SMG7: variants seen among roughly 807,000 people sequenced by gnomAD.
SMG7 encodes nonsense-mediated mRNA decay factor SMG7.
In SMG7, 34 loss-of-function variants were observed where a neutral mutation model predicts 148.2. The observed-to-expected ratio is 0.23, with a 90% CI of 0.17 to 0.31. The LOEUF is 0.31. Ranked by LOEUF, SMG7 falls within the 10% of genes least tolerant of loss-of-function variation. The pLI is 1.00. For synonymous variants in SMG7, 492 were observed against 515.1 expected, an observed-to-expected ratio of 0.96 and a Z score of 0.61; for missense variants, 1,114 against 1,408.4, an observed-to-expected ratio of 0.79 and a Z score of 3.35.
Position 183,550,344 on chromosome 1 carries a change from A to G in SMG7, c.3134-407A>G, listed in dbSNP as rs1236655984. Among the ~76,000 whole-genome samples the G allele has an allele frequency of 3.3e-5, 5 of 152,134 alleles. No homozygotes were observed. The East Asian group carries it at 7.7e-4, about 23-fold the overall frequency. On this transcript the variant is annotated intron_variant, in intron 20 of 22. Transcript: ENST00000688051. ...CTCAGCCTCCCAAGTAGCTGGGACT[A>G]CAGGTGCACACCACTGTGCCCAGCT... is the stretch of plus-strand genomic sequence containing the variant.
At position 183,553,281 on chromosome 1, in the gene SMG7, A is replaced by G. The variant is rs1049149834; in HGVS notation, c.*1350A>G. 6.6e-5 allele frequency: 87 copies of G among 1,312,458 alleles called. No homozygotes were observed. In the East Asian group the frequency reaches 2.2e-3, roughly 33 times the overall value. The allele number at this position is 1,312,458 out of a possible 1,614,324, so 81.3% of individuals were successfully genotyped here. A position where few individuals can be genotyped will look rare whatever the true frequency, so the allele number is the denominator to read the frequency against. ...GAAACAGAAGGACAGCATTTCTGTT[A>G]GTCATTTCCTGGAAAAGTAATATTT... is the stretch of plus-strand genomic sequence containing the variant. On this transcript the variant is annotated 3_prime_UTR_variant, in exon 23 of 23. Transcript: ENST00000688051.
At chr1:183,522,295 T>TA (rs1335371919) in intron 4 of SMG7, among the ~76,000 whole-genome samples, 2 of 152,122 alleles carry the variant, frequency 1.3e-5, no homozygotes, top group African/African-American at 4.8e-5. Flanking sequence ...AACCCTGACT[T>TA]AGTCAGATGG....
At position 183,527,040 on chromosome 1, in the gene SMG7, A is replaced by G. The variant is rs547518925; in HGVS notation, c.484+273A>G. Among the ~76,000 whole-genome samples the G allele has an allele frequency of 1.3e-5, 2 of 152,338 alleles. No homozygotes were observed. The highest frequency in any genetic ancestry group is 3.9e-4 in the East Asian group (2 of 5,186). On this transcript the variant is annotated intron_variant, in intron 5 of 22. Coordinates refer to ENST00000688051, the MANE Select transcript of SMG7 (RefSeq NM_001375584.1). This position sits in a 1 kb window ranked among gnomAD's most constrained non-coding sequence, Gnocchi z 4.0. ...GCAAATAATAAACAGCAAAAACATAATCAAAGCTTAATTTTTCAAAGTGGT... is the reference window on the plus strand; with the variant it reads ...GCAAATAATAAACAGCAAAAACATAGTCAAAGCTTAATTTTTCAAAGTGGT...
At chr1:183,511,519 A>G (rs1406567662) in intron 1 of SMG7, among the ~76,000 whole-genome samples, 3 of 152,200 alleles carry the variant, frequency 2.0e-5, no homozygotes, top group Non-Finnish European at 4.4e-5. Context: ...TGGAGAAACT[A>G]GAAGTCCAGT....
intron 12 of SMG7, 102 bp downstream of exon 12, chr1:183,538,542 C>T: frequency 2.5e-6 from 2 of 812,254 alleles, no homozygotes; most frequent in East Asian, 2.5e-5. Context: ...TCTGTCCCAG[C>T]TGTGTGTTAT....
At chr1:183,543,975 C>T (rs1421364689) in intron 14 of SMG7, among the ~76,000 whole-genome samples, 1 of 152,222 alleles carries the variant, frequency 6.6e-6, no homozygotes, top group Middle Eastern at 3.4e-3. Flanking sequence ...TCATGTATGT[C>T]GTTTAATGAA....
chr1:183,549,064 T>C (rs1393428326), intron 18 of SMG7, 144 bp from the exon 19 acceptor site: 3 of 634,154 alleles, frequency 4.7e-6, no homozygotes, highest in Admixed American at 2.8e-5. Context: ...TGTTAACAGA[T>C]TTGAATTCAC....
chr1:183,508,386 T>A (rs1661412931), intron 1 of SMG7, among the ~76,000 whole-genome samples: 1 of 152,044 alleles, frequency 6.6e-6, no homozygotes, highest in African/African-American at 2.4e-5. Flanking sequence ...AGAGATGAAG[T>A]CTTCCTCTGG....
intron 14 of SMG7, among the ~76,000 whole-genome samples, chr1:183,543,154 T>G (rs942698101): frequency 6.6e-6 from 1 of 152,090 alleles, no homozygotes; most frequent in Non-Finnish European, 1.5e-5. Flanking sequence ...TATTAATATA[T>G]TTTCCCAAAT....
At chr1:183,499,663 C>A (rs1217439181) in intron 1 of SMG7, among the ~76,000 whole-genome samples, 1 of 152,028 alleles carries the variant, frequency 6.6e-6, no homozygotes, top group Non-Finnish European at 1.5e-5. Flanking sequence ...GTTTTATCTT[C>A]GACTTTGTGG....
chr1:183,542,185 A>G lies in SMG7; in HGVS notation c.1525A>G (p.Thr509Ala). The G allele has an allele frequency of 6.2e-7, 1 of 1,614,158 alleles. No individual in the cohort carries two copies. Among genetic ancestry groups the G allele is most frequent in the African/African-American group, 1.3e-5 (1 of 75,056 alleles). ...EAKENLILQETSVIESLAADG... is the reference protein window; with the variant it reads ...EAKENLILQEASVIESLAADG... The stretch of plus-strand genomic sequence containing the variant: ...CAAAGAGAACCTCATTCTGCAAGAA[A>G]CATCTGTGATAGAGTCGCTGGCTGC... Residue 509 changes from threonine to alanine, a missense_variant, in exon 14 of 23, where the codon ACA (threonine) becomes GCA (alanine). Thr to Ala is a moderately conservative substitution (Grantham distance 58). Transcript: ENST00000688051.
intron 1 of SMG7, among the ~76,000 whole-genome samples, chr1:183,504,762 C>T (rs1660527204): frequency 6.6e-6 from 1 of 152,030 alleles, no homozygotes; most frequent in Non-Finnish European, 1.5e-5. Flanking sequence ...TCAGCTTATC[C>T]CCCTCTTACT....
Position 183,553,080 on chromosome 1 carries a change from G to A in SMG7, c.*1149G>A. ...CACAGAGGGCCCAGGCCCCTGCCCAGCTGCAGTCTCCCAGCCTCCACTTTC... is the reference window on the plus strand; with the variant it reads ...CACAGAGGGCCCAGGCCCCTGCCCAACTGCAGTCTCCCAGCCTCCACTTTC... On this transcript the variant is annotated 3_prime_UTR_variant, in exon 23 of 23. Coordinates refer to ENST00000688051, the MANE Select transcript of SMG7 (RefSeq NM_001375584.1). The A allele has an allele frequency of 1.3e-6, 2 of 1,536,228 alleles. No individual in the cohort carries two copies. Among genetic ancestry groups the A allele is most frequent in the Non-Finnish European group, 8.7e-7 (1 of 1,146,924 alleles).
chr1:183,520,024 G>C (rs1664418432), intron 4 of SMG7, among the ~76,000 whole-genome samples: 1 of 150,352 alleles, frequency 6.7e-6, no homozygotes, highest in Admixed American at 6.6e-5. Context: ...AAGTTACCAG[G>C]ATTTTTTTTT....
At chr1:183,483,119 A>G (rs1342229867) in intron 1 of SMG7, among the ~76,000 whole-genome samples, 2 of 152,202 alleles carry the variant, frequency 1.3e-5, no homozygotes, top group Non-Finnish European at 2.9e-5. Context: ...AATGACAAGC[A>G]TGATTCTGAA....
chr1:183,512,927 A>G, intron 2 of SMG7, 59 bp downstream of exon 2: 2 of 1,462,290 alleles, frequency 1.4e-6, no homozygotes, highest in South Asian at 1.3e-5. Flanking sequence ...TAATGGAAGG[A>G]TATCCTCTTT....
intron 1 of SMG7, among the ~76,000 whole-genome samples, chr1:183,499,285 T>G (rs10911346): frequency 0.089 from 13,570 of 152,202 alleles, 742 homozygotes; most frequent in Admixed American, 0.15. Flanking sequence ...ATACCTAGAG[T>G]CATATGGTAA....
At chr1:183,550,451 A>C (rs751796242) in intron 20 of SMG7, among the ~76,000 whole-genome samples, 3 of 152,248 alleles carry the variant, frequency 2.0e-5, no homozygotes, top group Non-Finnish European at 2.9e-5. Flanking sequence ...TTTCTGATAC[A>C]TAAGACCAAT....
intron 12 of SMG7, 69 bp downstream of exon 12, chr1:183,538,509 C>A: frequency 9.2e-7 from 1 of 1,082,040 alleles, no homozygotes; most frequent in Non-Finnish European, 1.4e-6. Context: ...GAGAATTGGG[C>A]TTGGATGTAG....
Sources: allele counts gnomAD v4.1 joint callset (sites outside exome capture counted in the v4.1 genomes callset), GRCh38; gene constraint gnomAD v4.1.1; non-coding constraint Gnocchi (gnomAD v3.1); transcripts MANE v1.5; gene names NCBI Gene and HGNC (gene_info 2026-07-23, HGNC 2026-07-21).